Variants in SPATA13 observed in about 807,000 individuals in gnomAD.
The protein encoded by SPATA13 is spermatogenesis-associated protein 13.
In SPATA13, 50 loss-of-function variants were observed where a neutral mutation model predicts 104.0. The observed-to-expected ratio is 0.48, with a 90% CI of 0.38 to 0.61. The LOEUF (loss-of-function observed/expected upper bound fraction) is 0.61, where lower values mean the gene tolerates loss of function less well. Among genes scored for constraint, SPATA13 ranks in the 20% least tolerant of loss-of-function variants. The pLI is 0.00. For missense variants in SPATA13, 1,524 were observed against 1,690.6 expected, an observed-to-expected ratio of 0.90 and a Z score of 1.73; for synonymous variants, 606 against 667.5, an observed-to-expected ratio of 0.91 and a Z score of 1.42.
intron 1 of SPATA13, among the ~76,000 whole-genome samples, chr13:24,169,826 T>C (rs530331647): frequency 5.9e-4 from 90 of 152,270 alleles, no homozygotes; most frequent in African/African-American, 2.1e-3. Flanking sequence ...CCCACTCTCC[T>C]CTCCTGCCTG....
chr13:24,283,802 C>G (rs536964672), intron 4 of SPATA13, among the ~76,000 whole-genome samples: 2 of 152,316 alleles, frequency 1.3e-5, no homozygotes, highest in African/African-American at 4.8e-5. Flanking sequence ...CAGCACATTG[C>G]TTGGCAGCAT....
At chr13:23,994,061 G>A (rs1221263677) in intron 2 of SPATA13, among the ~76,000 whole-genome samples, 1 of 150,102 alleles carries the variant, frequency 6.7e-6, no homozygotes, top group Non-Finnish European at 1.5e-5. Context: ...GCCACGCATT[G>A]GCGTCACAGC....
chr13:24,179,657 G>A (rs577598245), intron 1 of SPATA13, among the ~76,000 whole-genome samples: 95 of 152,114 alleles, frequency 6.2e-4, no homozygotes, highest in South Asian at 1.9e-3. Flanking sequence ...TTCTGTTTCC[G>A]TGTCACCAAC....
intron 5 of SPATA13, 134 bp downstream of exon 5, chr13:24,284,405 C>G (rs777908813): frequency 9.8e-7 from 1 of 1,017,386 alleles, no homozygotes; most frequent in Admixed American, 2.9e-5. Context: ...TAAAACAACA[C>G]TGTGATTCAC....
intron 3 of SPATA13, among the ~76,000 whole-genome samples, chr13:24,117,691 A>T (rs758086799): frequency 6.6e-6 from 1 of 152,184 alleles, no homozygotes; most frequent in South Asian, 2.1e-4. Flanking sequence ...AGAGAAAAAA[A>T]ACCCCAAACT....
chr13:24,136,365 A>G (rs1003383765), intron 3 of SPATA13, among the ~76,000 whole-genome samples: 4 of 152,094 alleles, frequency 2.6e-5, no homozygotes, highest in African/African-American at 9.7e-5. Context: ...AATCCCAGCT[A>G]CTCGGGAGGC....
At chr13:24,079,031 G>A (rs1194549832) in intron 3 of SPATA13, among the ~76,000 whole-genome samples, 2 of 152,310 alleles carry the variant, frequency 1.3e-5, no homozygotes, top group Non-Finnish European at 1.5e-5. Flanking sequence ...CAGTTCACCG[G>A]ATTTGGCCTA....
intron 2 of SPATA13, among the ~76,000 whole-genome samples, chr13:24,014,409 T>C (rs1876617365): frequency 6.6e-6 from 1 of 151,782 alleles, no homozygotes; most frequent in Non-Finnish European, 1.5e-5. Context: ...AACCTTTGAC[T>C]CCCCCAAAAC....
intron 3 of SPATA13, among the ~76,000 whole-genome samples, chr13:24,031,706 T>TTA (rs1377844142): frequency 6.6e-6 from 1 of 152,136 alleles, no homozygotes; most frequent in African/African-American, 2.4e-5. Context: ...CTTGGGGAAT[T>TTA]TATAATCTTG....
chr13:24,006,874 C>T (rs1482081318), intron 2 of SPATA13, among the ~76,000 whole-genome samples: 2 of 152,190 alleles, frequency 1.3e-5, no homozygotes, highest in Admixed American at 1.3e-4. Flanking sequence ...GGAGAGGATG[C>T]CCCCGCTCGG....
In SPATA13 at chr13:24,090,496, C is replaced by T. The variant is rs1879877158; in HGVS notation, c.-112+72795C>T. 2.0e-5 allele frequency among the ~76,000 whole-genome samples: 3 copies of T among 152,216 alleles called. No individual in the cohort carries two copies. In the South Asian group the frequency reaches 6.2e-4, roughly 32 times the overall value. On this transcript the variant is annotated intron_variant, in intron 3 of 14. Transcript: ENST00000424834. ...GTCCCCTCACCGAACGGTGTCCTCA[C>T]CTGAGCTTTGACCTCGCCCTCTTTT...
chr13:24,286,856 A>G lies in SPATA13; in HGVS notation c.2573A>G (p.His858Arg), dbSNP rs1566194249. Residue 858 changes from histidine to arginine, a missense_variant, in exon 7 of 13, where the codon CAC (histidine) becomes CGC (arginine). Physicochemically the swap from His to Arg is conservative, Grantham distance 29. Around this residue, in one of 2 missense-constraint regions of SPATA13, gnomAD observed 435 missense variants for 554.8 expected, o/e 0.78. Coordinates refer to ENST00000382108, the MANE Select transcript of SPATA13 (RefSeq NM_001166271.3). The surrounding 1 kb of genome is among the most constrained non-coding windows in gnomAD (Gnocchi z 4.9). ...GAGGCCAGCCAGAGCCGCCACAGAC[A>G]CTGTGAGAACAAGCAGCAGATGCGG... ...DEEASQSRHR[H>R]CENKQQMRTN... 6.2e-7 allele frequency: 1 copy of G among 1,613,882 alleles called. No individual in the cohort carries two copies. The highest frequency in any genetic ancestry group is 8.5e-7 in the Non-Finnish European group (1 of 1,179,994).
intron 2 of SPATA13, among the ~76,000 whole-genome samples, chr13:23,996,152 A>T (rs763479048): frequency 1.3e-5 from 2 of 152,156 alleles, no homozygotes; most frequent in Admixed American, 1.3e-4. Context: ...TGGGATTATT[A>T]TCTCATATTT....
intron 2 of SPATA13, among the ~76,000 whole-genome samples, chr13:23,985,152 C>T (rs1281885056): frequency 6.6e-6 from 1 of 152,222 alleles, no homozygotes; most frequent in Non-Finnish European, 1.5e-5. Context: ...TAGTGAAATG[C>T]CCTTTCTTCC....
intron 5 of SPATA13, among the ~76,000 whole-genome samples, chr13:24,285,610 A>G (rs1232076334): frequency 6.8e-6 from 1 of 147,440 alleles, no homozygotes; most frequent in Non-Finnish European, 1.5e-5. Context: ...TCCGCCTTCC[A>G]GGTTCAAGCA....
At chr13:24,017,283 A>C (rs181505668) in intron 2 of SPATA13, among the ~76,000 whole-genome samples, 1 of 152,356 alleles carries the variant, frequency 6.6e-6, no homozygotes, top group East Asian at 1.9e-4. Context: ...GAAATAGAAT[A>C]ATTTGCCTGG....
At chr13:24,291,744 T>TTTA (rs1555277142) in intron 9 of SPATA13, among the ~76,000 whole-genome samples, 1,039 of 100,226 alleles carry the variant, frequency 0.01, 26 homozygotes, top group African/African-American at 0.041. Flanking sequence ...GTCTTTATTT[T>TTTA]TTTATTTTTT....
At chr13:24,063,816 G>T (rs1388216030) in intron 3 of SPATA13, among the ~76,000 whole-genome samples, 7 of 152,158 alleles carry the variant, frequency 4.6e-5, no homozygotes, top group African/African-American at 1.7e-4. Flanking sequence ...TCGCTGTCCT[G>T]AATTTGTGTC....
At chr13:24,039,202 A>T (rs915481887) in intron 3 of SPATA13, among the ~76,000 whole-genome samples, 12 of 152,232 alleles carry the variant, frequency 7.9e-5, no homozygotes, top group African/African-American at 2.9e-4. Flanking sequence ...ACAGTGCTAG[A>T]AACACTGTCT....
Sources: allele counts gnomAD v4.1 joint callset (sites outside exome capture counted in the v4.1 genomes callset), GRCh38; gene constraint gnomAD v4.1.1; regional missense constraint gnomAD v4.1.1; non-coding constraint Gnocchi (gnomAD v3.1); transcripts MANE v1.5; gene names NCBI Gene and HGNC (gene_info 2026-07-23, HGNC 2026-07-21).